The following DCTN4 variants were observed in gnomAD, a reference collection of about 807,000 sequenced individuals.
DCTN4 encodes dynactin 4 (p62).
DCTN4 carries 23 observed loss-of-function variants against 62.7 expected under a neutral mutation model. The observed-to-expected ratio is 0.37, with a 90% confidence interval of 0.26 to 0.52. The LOEUF is 0.52. DCTN4 is among the 20% of genes least tolerant of loss of function. The pLI, the probability that DCTN4 is intolerant of heterozygous loss-of-function variation, is 0.92. For missense variants in DCTN4, 514 were observed against 580.4 expected, an observed-to-expected ratio of 0.89 and a Z score of 1.18; for synonymous variants, 199 against 202.1, an observed-to-expected ratio of 0.98 and a Z score of 0.13.
At chr5:150,717,387 T>C (rs1759800022) in intron 11 of DCTN4, among the ~76,000 whole-genome samples, 1 of 152,166 alleles carries the variant, frequency 6.6e-6, no homozygotes, top group Non-Finnish European at 1.5e-5. Context: ...GTAGCTGAGA[T>C]TACAGGCATC....
intron 4 of DCTN4, among the ~76,000 whole-genome samples, chr5:150,734,897 C>A (rs961306772): frequency 6.6e-6 from 1 of 152,130 alleles, no homozygotes; most frequent in African/African-American, 2.4e-5. Flanking sequence ...ACCAGTATGA[C>A]ACAGCAGAGG....
At position 150,711,282 on chromosome 5, in the gene DCTN4, A is replaced by G. The variant is rs1244541610; in HGVS notation, c.1250T>C (p.Val417Ala). 1.2e-6 allele frequency: 2 copies of G among 1,613,356 alleles called. No homozygotes were observed. Among genetic ancestry groups the G allele is most frequent in the Non-Finnish European group, 1.7e-6 (2 of 1,179,978 alleles). The part of the protein sequence containing the change: ...TPQREEGEVT[V>A]CFKMKHDFKN... ...AAAATCATGCTTCATCTTGAAGCAC[A>G]CGGTCACTTCACCCTCCTCACGCTG... is the stretch of plus-strand genomic sequence containing the variant. Residue 417 changes from valine (V) to alanine (A), a missense_variant, in exon 13 of 13, where the codon GTG (valine) becomes GCG (alanine). Physicochemically the swap from Val to Ala is moderately conservative, Grantham distance 64. Transcript: ENST00000447998.
chr5:150,725,376 T>G (rs1006778509), intron 8 of DCTN4, among the ~76,000 whole-genome samples: 1 of 151,698 alleles, frequency 6.6e-6, no homozygotes, highest in Non-Finnish European at 1.5e-5. Flanking sequence ...CATATTTATA[T>G]AAATTTATAT....
intron 9 of DCTN4, among the ~76,000 whole-genome samples, chr5:150,722,244 G>T (rs1281928263): frequency 6.6e-6 from 1 of 152,154 alleles, no homozygotes; most frequent in Non-Finnish European, 1.5e-5. Flanking sequence ...TCCAAAGCTA[G>T]ACAATACTTT....
At chr5:150,725,700 C>G (rs1382109339) in intron 8 of DCTN4, among the ~76,000 whole-genome samples, 1 of 152,110 alleles carries the variant, frequency 6.6e-6, no homozygotes, top group Non-Finnish European at 1.5e-5. Context: ...TGATTCCTAA[C>G]TTAACTACGT....
In DCTN4 at chr5:150,715,609, C is replaced by G; in HGVS notation, c.1125G>C (p.Glu375Asp). Residue 375 changes from glutamate to aspartate, a missense_variant, in exon 12 of 13, where the codon GAG (glutamate) becomes GAC (aspartate). Transcript: ENST00000447998. ...CTTGAGGTTCTGCCAACTCATCGTA[C>G]TCTGCTGCTGCATCCTTGCCAGCTA... ...LVLAGKDAAA[E>D]YDELAEPQDF... The G allele has an allele frequency of 6.2e-7, 1 of 1,614,208 alleles. No homozygotes were observed. The highest frequency in any genetic ancestry group is 8.5e-7 in the Non-Finnish European group (1 of 1,180,042).
intron 4 of DCTN4, among the ~76,000 whole-genome samples, chr5:150,740,053 G>GC (rs1334750491): frequency 6.6e-6 from 1 of 152,024 alleles, no homozygotes; most frequent in Non-Finnish European, 1.5e-5. Context: ...AAAAGCAAAT[G>GC]CAACAAAAAC....
At chr5:150,742,070 T>C in intron 4 of DCTN4, 44 bp downstream of exon 4, 1 of 1,578,048 alleles carries the variant, frequency 6.3e-7, no homozygotes, top group Non-Finnish European at 8.7e-7. Flanking sequence ...TTTTACTCAA[T>C]TTTTTCCGAT....
chr5:150,711,507 T>C, intron 12 of DCTN4, 145 bp from the exon 13 acceptor site: 1 of 696,314 alleles, frequency 1.4e-6, no homozygotes. Flanking sequence ...CTACCAAGTA[T>C]TTTTTTGTTT....
At chr5:150,715,753 C>T (rs2151468374) in intron 11 of DCTN4, 91 bp from the exon 12 acceptor site, 2 of 1,008,412 alleles carry the variant, frequency 2.0e-6, no homozygotes, top group African/African-American at 1.6e-5. Flanking sequence ...AATGGAAGCA[C>T]ACAGCAAGTT....
At position 150,720,453 on chromosome 5, in the gene DCTN4, G is replaced by C. The variant is rs564581399; in HGVS notation, c.909-683C>G. Among the ~76,000 whole-genome samples, 118 of 150,462 alleles carry C rather than the reference G, an allele frequency of 7.8e-4. 1 individual carries two copies. Among genetic ancestry groups the C allele is most frequent in the Non-Finnish European group, 1.6e-3 (107 of 67,820 alleles). On this transcript the variant is annotated intron_variant, in intron 9 of 12. Coordinates refer to ENST00000447998, the MANE Select transcript of DCTN4 (RefSeq NM_016221.4). ...CACTTCTAAGAATTTGAATTCAGTAGGTCTGAGGTTTGATACCAGAGCTCT... is the reference window on the plus strand; with the variant it reads ...CACTTCTAAGAATTTGAATTCAGTACGTCTGAGGTTTGATACCAGAGCTCT...
chr5:150,731,256 C>A, intron 6 of DCTN4, 100 bp from the exon 7 acceptor site: 1 of 986,536 alleles, frequency 1.0e-6, no homozygotes, highest in Non-Finnish European at 1.6e-6. Context: ...TTGAAGTATT[C>A]CTCTGTCATA....
intron 3 of DCTN4, among the ~76,000 whole-genome samples, chr5:150,752,671 A>G (rs994411212): frequency 1.3e-5 from 2 of 152,166 alleles, no homozygotes; most frequent in African/African-American, 4.8e-5. Flanking sequence ...ACTACTAGGG[A>G]AGTCGAATAC....
At chr5:150,717,935 A>G (rs1214991806) in intron 11 of DCTN4, among the ~76,000 whole-genome samples, 1 of 152,234 alleles carries the variant, frequency 6.6e-6, no homozygotes, top group African/African-American at 2.4e-5. Flanking sequence ...TCTGGACTTC[A>G]TCTCAGTCAA....
At chr5:150,717,129 A>T (rs914931959) in intron 11 of DCTN4, among the ~76,000 whole-genome samples, 4 of 152,226 alleles carry the variant, frequency 2.6e-5, no homozygotes, top group African/African-American at 7.2e-5. Context: ...TTAGTAATAG[A>T]TGATCTATAG....
At chr5:150,730,538 A>G (rs1024004974) in intron 8 of DCTN4, 93 bp downstream of exon 8, 11 of 1,095,672 alleles carry the variant, frequency 1.0e-5, no homozygotes, top group Middle Eastern at 2.0e-4. Flanking sequence ...TATTTAATAC[A>G]TTCCAAAGGT....
chr5:150,715,755 C>T lies in DCTN4; in HGVS notation c.1072-93G>A, dbSNP rs780471168. 45 of 955,242 alleles carry T rather than the reference C, an allele frequency of 4.7e-5. 1 individual carries two copies. The South Asian group carries it at 6.3e-4, about 13-fold the overall frequency. 59.2% of individuals were successfully genotyped at this position (955,242 alleles called of 1,614,324 possible). ...ATTGATTTAGACAAATGGAAGCACA[C>T]AGCAAGTTTCAGGAAACATATACTA... On this transcript the variant is annotated intron_variant, in intron 11 of 12. Coordinates refer to ENST00000447998, the MANE Select transcript of DCTN4 (RefSeq NM_016221.4).
Position 150,733,399 on chromosome 5 carries a change from C to G in DCTN4, c.506G>C (p.Arg169Pro). ...AGCCAGAGGCATATAGTTTCTACGT[C>G]GTGCCAGTTTCTTGCGATCTCGCTC... is the stretch of plus-strand genomic sequence containing the variant. Reference protein sequence around the residue: ...KVERDRKKLARRRNYMPLAFS... With the variant: ...KVERDRKKLAPRRNYMPLAFS... The change falls in exon 5 of 13, where the codon CGA becomes CCA. Residue 169 changes from arginine (R) to proline (P), a missense_variant. By Grantham distance (103) the Arg-to-Pro change is moderately radical. Coordinates refer to ENST00000447998, the MANE Select transcript of DCTN4 (RefSeq NM_016221.4). 3 of 1,613,992 alleles carry G rather than the reference C, an allele frequency of 1.9e-6. No homozygotes were observed. The highest frequency in any genetic ancestry group is 2.5e-6 in the Non-Finnish European group (3 of 1,179,938).
chr5:150,716,792 G>A (rs191940300), intron 11 of DCTN4, among the ~76,000 whole-genome samples: 11 of 152,002 alleles, frequency 7.2e-5, no homozygotes, highest in Admixed American at 2.6e-4. Flanking sequence ...GGTGGCAGGC[G>A]CCTGTAATCC....
Sources: gnomAD v4.1 joint callset for allele counts (sites outside exome capture counted in the v4.1 genomes callset) on GRCh38, gnomAD v4.1.1 for gene constraint, MANE v1.5 for transcripts, NCBI Gene and HGNC (gene_info 2026-07-23, HGNC 2026-07-21) for gene names.